Variants in DTX3L observed in about 807,000 individuals in gnomAD.
DTX3L encodes E3 ubiquitin-protein ligase DTX3L.
DTX3L carries 34 observed loss-of-function variants against 60.9 expected under a neutral mutation model. The ratio of observed to expected loss-of-function variants is 0.56; its 90% CI spans 0.42 to 0.74. DTX3L has a LOEUF of 0.74. Ranked by LOEUF, DTX3L falls within the 30% of genes least tolerant of loss-of-function variation. The pLI, the probability that DTX3L is intolerant of heterozygous loss-of-function variation, is 0.00. For missense variants in DTX3L, 810 were observed against 874.0 expected, an observed-to-expected ratio of 0.93 and a Z score of 0.92; for synonymous variants, 290 against 316.6, an observed-to-expected ratio of 0.92 and a Z score of 0.89.
At position 122,569,734 on chromosome 3, in the gene DTX3L, G is replaced by C. The variant is rs1015580582; in HGVS notation, c.1645G>C (p.Glu549Gln). The C allele has an allele frequency of 6.2e-7, 1 of 1,614,120 alleles. No individual in the cohort carries two copies. Among genetic ancestry groups the C allele is most frequent in the African/African-American group, 1.3e-5 (1 of 75,048 alleles). The change falls in exon 3 of 5, where the codon GAG becomes CAG. Residue 549 changes from glutamate to glutamine, a missense_variant. Physicochemically the swap from Glu to Gln is conservative, Grantham distance 29 (BLOSUM62 2). Coordinates refer to ENST00000296161, the MANE Select transcript of DTX3L (RefSeq NM_138287.3). ...GCCACTCAAGGGCTCTGTGAGTTCT[G>C]AGGCCTCAGAACTGGACAAGAAGGA... The part of the protein sequence containing the change: ...SPPLKGSVSS[E>Q]ASELDKKEKG...
At chr3:122,564,829 G>T (rs2080529734) in intron 1 of DTX3L, among the ~76,000 whole-genome samples, 6 of 152,232 alleles carry the variant, frequency 3.9e-5, no homozygotes. Context: ...TGCGGGTCTG[G>T]CTGACGGCGC....
chr3:122,566,088 G>T lies in DTX3L; in HGVS notation c.399+18G>T. 6.2e-7 allele frequency: 1 copy of T among 1,610,254 alleles called. No homozygotes were observed. The highest frequency in any genetic ancestry group is 1.1e-5 in the South Asian group (1 of 90,932). Reference sequence around the variant, plus strand: ...TCCAAAAGGTGAGTATTGAAAGAAGGAGCTGGCTGTGCCTGCGCCTCCTCT... The same window carrying T: ...TCCAAAAGGTGAGTATTGAAAGAAGTAGCTGGCTGTGCCTGCGCCTCCTCT... On this transcript the variant is annotated intron_variant, in intron 2 of 4. Transcript: ENST00000296161.
At position 122,570,646 on chromosome 3, in the gene DTX3L, A is replaced by G; in HGVS notation, c.2127A>G (p.Lys709=). 1 of 1,614,116 alleles carries G rather than the reference A, an allele frequency of 6.2e-7. No individual in the cohort carries two copies. Among genetic ancestry groups the G allele is most frequent in the Non-Finnish European group, 8.5e-7 (1 of 1,180,010 alleles). Residue 709 remains lysine, a synonymous_variant, in exon 4 of 5, where the codon AAA becomes AAG. Coordinates refer to ENST00000296161, the MANE Select transcript of DTX3L (RefSeq NM_138287.3). ...DVITWNDIHH[K]TSRFGGPEMY... is the part of the protein sequence containing the mutation. ...TCACTTGGAATGATATTCACCACAA[A>G]ACATCCCGGTTTGGAGGACCAGAAA...
rs757029758 is a variant in DTX3L, at chr3:122,569,236, G to C, written c.1147G>C (p.Ala383Pro). Residue 383 changes from alanine to proline, a missense_variant, in exon 3 of 5, where the codon GCC (alanine) becomes CCC (proline). Transcript: ENST00000296161. ...GATGAATGTAATTGAGGTTGATAGT[G>C]CCCACTATAAACTTTTAGAAACTGA... ...YMMNVIEVDS[A>P]HYKLLETELL... is the part of the protein sequence containing the mutation. 1.9e-6 allele frequency: 3 copies of C among 1,613,966 alleles called. No homozygotes were observed. The highest frequency in any genetic ancestry group is 2.5e-6 in the Non-Finnish European group (3 of 1,180,002).
Position 122,564,467 on chromosome 3 carries a change from G to C in DTX3L, c.41G>C (p.Arg14Pro). 1.2e-6 allele frequency: 2 copies of C among 1,612,462 alleles called. No individual in the cohort carries two copies. Among genetic ancestry groups the C allele is most frequent in the Non-Finnish European group, 1.7e-6 (2 of 1,179,356 alleles). ...CGCCCGCCGTCCCCGCTCCTCGTGC[G>C]GGTGTACAAGTCCGGCCCCCGAGTA... is the stretch of plus-strand genomic sequence containing the variant. ...HLRPPSPLLV[R>P]VYKSGPRVRR... Residue 14 changes from arginine (R) to proline (P), a missense_variant, in exon 1 of 5, where the codon CGG (arginine) becomes CCG (proline). Coordinates refer to ENST00000296161, the MANE Select transcript of DTX3L (RefSeq NM_138287.3).
At chr3:122,570,118 C>G in intron 3 of DTX3L, 94 bp downstream of exon 3, 1 of 1,332,262 alleles carries the variant, frequency 7.5e-7, no homozygotes, top group Non-Finnish European at 1.1e-6. Context: ...CAATAGATTT[C>G]CCAAGGAATT....
Position 122,570,653 on chromosome 3 carries a change from C to A in DTX3L, c.2134C>A (p.Arg712=). 6.2e-7 allele frequency: 1 copy of A among 1,614,098 alleles called. No homozygotes were observed. Among genetic ancestry groups the A allele is most frequent in the African/African-American group, 1.3e-5 (1 of 75,020 alleles). Residue 712 remains arginine, a synonymous_variant, in exon 4 of 5, where the codon CGG becomes AGG. Transcript: ENST00000296161. ...GAATGATATTCACCACAAAACATCC[C>A]GGTTTGGAGGACCAGAAATGTGAGA... ...TWNDIHHKTS[R]FGGPEMYGYP... is the part of the protein sequence containing the mutation.
chr3:122,569,522 A>G lies in DTX3L; in HGVS notation c.1433A>G (p.His478Arg). 6.2e-7 allele frequency: 1 copy of G among 1,614,274 alleles called. No individual in the cohort carries two copies. Among genetic ancestry groups the G allele is most frequent in the Middle Eastern group, 1.6e-4 (1 of 6,062 alleles). Residue 478 changes from histidine (H) to arginine (R), a missense_variant, in exon 3 of 5, where the codon CAT (histidine) becomes CGT (arginine). His to Arg is a conservative substitution (Grantham distance 29). Coordinates refer to ENST00000296161, the MANE Select transcript of DTX3L (RefSeq NM_138287.3). ...TTTGCTGATGACTTTAGAAAAAGAC[A>G]TCCAAATGTACACTTTGTGCTAAAT... Reference protein sequence around the residue: ...TKFADDFRKRHPNVHFVLNQE... With the variant: ...TKFADDFRKRRPNVHFVLNQE...
At chr3:122,565,783 C>T (rs1299388525) in intron 1 of DTX3L, 76 bp from the exon 2 acceptor site, 1 of 1,439,874 alleles carries the variant, frequency 6.9e-7, no homozygotes, top group African/African-American at 1.4e-5. Context: ...AGTACAGACA[C>T]AGGAATGAGA....
At position 122,568,738 on chromosome 3, in the gene DTX3L, G is replaced by T. The variant is rs745372626; in HGVS notation, c.649G>T (p.Asp217Tyr). 8.1e-6 allele frequency: 13 copies of T among 1,614,030 alleles called. No homozygotes were observed. The highest frequency in any genetic ancestry group is 1.1e-5 in the Non-Finnish European group (13 of 1,180,044). ...GAAGCCACTCAGTCAGCAGGAGAGGGACAGCTGCATTTCTCCTTCTGAACC... is the reference window on the plus strand; with the variant it reads ...GAAGCCACTCAGTCAGCAGGAGAGGTACAGCTGCATTTCTCCTTCTGAACC... ...ERKPLSQQER[D>Y]SCISPSEPET... The change falls in exon 3 of 5, where the codon GAC becomes TAC. Residue 217 changes from aspartate (D) to tyrosine (Y), a missense_variant. Coordinates refer to ENST00000296161, the MANE Select transcript of DTX3L (RefSeq NM_138287.3).
rs2107781855 is a variant in DTX3L, at chr3:122,569,391, T to C, written c.1302T>C (p.Tyr434=). 1 of 1,614,210 alleles carries C rather than the reference T, an allele frequency of 6.2e-7. No individual in the cohort carries two copies. Among genetic ancestry groups the C allele is most frequent in the Non-Finnish European group, 8.5e-7 (1 of 1,180,038 alleles). ...DRQVDLSVHA[Y]ASFIDAFQHA... is the part of the protein sequence containing the mutation. Reference sequence around the variant, plus strand: ...AGGTAGATCTATCTGTGCATGCTTATGCAAGTTTCATCGATGCCTTTCAAC... The same window carrying C: ...AGGTAGATCTATCTGTGCATGCTTACGCAAGTTTCATCGATGCCTTTCAAC... Residue 434 remains tyrosine, a synonymous_variant, in exon 3 of 5, where the codon TAT becomes TAC. Transcript: ENST00000296161.
In DTX3L at chr3:122,574,803, T is replaced by C. The variant is rs1463407215; in HGVS notation, c.*3056T>C. ...ATTCTGGGCTTCTCTCAGAAATGGA[T>C]TCCCACACAGTATTCAAAGCAAATT... On this transcript the variant is annotated 3_prime_UTR_variant, in exon 5 of 5. Transcript: ENST00000296161. 2 of 152,216 alleles carry C rather than the reference T, an allele frequency of 1.3e-5. No homozygotes were observed. Among genetic ancestry groups the C allele is most frequent in the Admixed American group, 1.3e-4 (2 of 15,286 alleles). 9.4% of individuals were successfully genotyped at this position (152,216 alleles called of 1,614,324 possible).
rs753874538 is a variant in DTX3L at position 122,568,897 on chromosome 3, A to C, written c.808A>C (p.Ser270Arg). The C allele has an allele frequency of 2.2e-5, 35 of 1,613,956 alleles. No homozygotes were observed. The South Asian group carries it at 3.5e-4, about 16-fold the overall frequency. The change falls in exon 3 of 5, where the codon AGT (serine) becomes CGT (arginine). Residue 270 changes from serine (S) to arginine (R), a missense_variant. Coordinates refer to ENST00000296161, the MANE Select transcript of DTX3L (RefSeq NM_138287.3). The stretch of plus-strand genomic sequence containing the variant: ...TGGTGTAAACATTGAAATCCAGGAG[A>C]GTTCTCCAAATATGGTCTGTTTAGA... ...RFGVNIEIQE[S>R]SPNMVCLDFT...
At chr3:122,571,615 G>A in intron 4 of DTX3L, 63 bp from the exon 5 acceptor site, 1 of 1,239,748 alleles carries the variant, frequency 8.1e-7, no homozygotes. Context: ...CTTAAATGCT[G>A]GATATCTATT....
chr3:122,564,730 CGGTG>C, intron 1 of DTX3L, 117 bp downstream of exon 1: 1 of 1,280,008 alleles, frequency 7.8e-7, no homozygotes, highest in Non-Finnish European at 1.1e-6. Context: ...TGTCACTGTG[CGGTG>C]GCGGACAGGG....
At chr3:122,564,709 G>A in intron 1 of DTX3L, 96 bp downstream of exon 1, 2 of 1,434,210 alleles carry the variant, frequency 1.4e-6, no homozygotes, top group Non-Finnish European at 1.9e-6. Context: ...GGGAGAGGGC[G>A]GGAGAAAGTA....
rs780075013 is a variant in DTX3L, at chr3:122,568,765, G to A, written c.676G>A (p.Glu226Lys). The A allele has an allele frequency of 6.2e-6, 10 of 1,614,128 alleles. No individual in the cohort carries two copies. The Admixed American group carries it at 1.7e-4, about 27-fold the overall frequency. ...CAGCTGCATTTCTCCTTCTGAACCAGAAACCAAGGCAGAACAAAAAAGCAA... is the reference window on the plus strand; with the variant it reads ...CAGCTGCATTTCTCCTTCTGAACCAAAAACCAAGGCAGAACAAAAAAGCAA... Reference protein sequence around the residue: ...RDSCISPSEPETKAEQKSNYF... With the variant: ...RDSCISPSEPKTKAEQKSNYF... The change falls in exon 3 of 5, where the codon GAA becomes AAA. Residue 226 changes from glutamate to lysine, a missense_variant. Glu to Lys is a moderately conservative substitution (Grantham distance 56). Coordinates refer to ENST00000296161, the MANE Select transcript of DTX3L (RefSeq NM_138287.3).
At chr3:122,570,209 T>A in intron 3 of DTX3L, 185 bp downstream of exon 3, 1 of 770,568 alleles carries the variant, frequency 1.3e-6, no homozygotes. Context: ...CTTTTGTGTC[T>A]ATTTCTTAAG....
In DTX3L at chr3:122,564,421, A is replaced by C. The variant is rs772716291; in HGVS notation, c.-6A>C. The C allele has an allele frequency of 6.7e-5, 107 of 1,605,538 alleles. No homozygotes were observed. In the South Asian group the frequency reaches 1.2e-3, roughly 18 times the overall value. On this transcript the variant is annotated 5_prime_UTR_variant, in exon 1 of 5. Coordinates refer to ENST00000296161, the MANE Select transcript of DTX3L (RefSeq NM_138287.3). ...GAGCCCCCGCGCCCTCCCGACGCGC[A>C]GAGCCATGGCCTCCCACCTGCGCCC...
Sources: allele counts gnomAD v4.1 joint callset (sites outside exome capture counted in the v4.1 genomes callset), GRCh38; gene constraint gnomAD v4.1.1; transcripts MANE v1.5; gene names NCBI Gene and HGNC (gene_info 2026-07-23, HGNC 2026-07-21).